Variants in DLGAP2 observed in about 807,000 individuals in gnomAD.
DLGAP2 encodes DLG associated protein 2.
A neutral mutation model predicts 100.3 loss-of-function variants in DLGAP2; 26 were observed. The observed-to-expected ratio is 0.26, with a 90% CI of 0.19 to 0.36. The LOEUF is 0.36. Among genes scored for constraint, DLGAP2 ranks in the 10% least tolerant of loss-of-function variants. DLGAP2 has a pLI of 1.00. For synonymous variants in DLGAP2, 886 were observed against 630.1 expected (o/e 1.41, Z -6.08); for missense variants, 1,858 against 1,453.2 (o/e 1.28, Z -4.53).
At chr8:916,622 G>T (rs1005383828) in intron 2 of DLGAP2, among the ~76,000 whole-genome samples, 1 of 152,018 alleles carries the variant, frequency 6.6e-6, no homozygotes, top group African/African-American at 2.4e-5. Context: ...AAACCTGCAC[G>T]TTGTGCACAT....
chr8:1,146,067 A>T (rs1476423168), intron 2 of DLGAP2, among the ~76,000 whole-genome samples: 1 of 151,970 alleles, frequency 6.6e-6, no homozygotes, highest in East Asian at 1.9e-4. Flanking sequence ...CCTCTAACAC[A>T]TCCCAGCAGA....
chr8:1,005,870 C>G lies in DLGAP2; in HGVS notation c.73+97904C>G, dbSNP rs147546902. Among the ~76,000 whole-genome samples the G allele has an allele frequency of 5.4e-3, 816 of 152,228 alleles. 4 individuals carry two copies. Among genetic ancestry groups the G allele is most frequent in the South Asian group, 6.0e-3 (29 of 4,822 alleles). ...GGAATGTGCTCCAGATGTCCCATGA[C>G]TGGCAGAACCAGAACTTACGTAACG... is the stretch of plus-strand genomic sequence containing the variant. On this transcript the variant is annotated intron_variant, in intron 2 of 14. Coordinates refer to ENST00000637795, the MANE Select transcript of DLGAP2 (RefSeq NM_001346810.2).
intron 2 of DLGAP2, among the ~76,000 whole-genome samples, chr8:1,059,919 G>A (rs895068172): frequency 6.6e-6 from 1 of 152,176 alleles, no homozygotes; most frequent in Admixed American, 6.5e-5. Context: ...GGCATGGATC[G>A]GGGGTATTCA....
intron 2 of DLGAP2, among the ~76,000 whole-genome samples, chr8:1,241,286 A>G (rs1459379699): frequency 1.4e-3 from 141 of 104,386 alleles, no homozygotes; most frequent in African/African-American, 4.3e-3. Flanking sequence ...TCCGTGTCTC[A>G]TTCTCTCACA....
At position 1,522,513 on chromosome 8, in the gene DLGAP2, G is replaced by A. The variant is rs558417077; in HGVS notation, c.172+21082G>A. On this transcript the variant is annotated intron_variant, in intron 4 of 14. Transcript: ENST00000637795. ...CGGGTGCTGGGTCATCACCATGCCC[G>A]GGAAGCTGGGCCCCCGGCCATCAGC... Among the ~76,000 whole-genome samples the A allele has an allele frequency of 5.3e-5, 8 of 152,312 alleles. 1 individual carries two copies. The highest frequency in any genetic ancestry group is 2.1e-4 in the South Asian group (1 of 4,818).
At chr8:1,690,493 TC>T (rs1187354332) in intron 12 of DLGAP2, among the ~76,000 whole-genome samples, 2 of 150,680 alleles carry the variant, frequency 1.3e-5, no homozygotes, top group African/African-American at 4.9e-5. Flanking sequence ...TCACCTGAGG[TC>T]GGGAGTTCGA....
intron 3 of DLGAP2, among the ~76,000 whole-genome samples, chr8:1,486,166 G>T (rs1799231110): frequency 6.6e-6 from 1 of 152,150 alleles, no homozygotes; most frequent in Non-Finnish European, 1.5e-5. Context: ...GGCACAAACA[G>T]CATGATGACC....
chr8:1,407,099 T>C (rs368953394), intron 3 of DLGAP2, among the ~76,000 whole-genome samples: 12 of 25,922 alleles, frequency 4.6e-4, no homozygotes, highest in Non-Finnish European at 5.2e-4. Flanking sequence ...GCTCCCTCCT[T>C]GTCCTCCGGA....
At chr8:823,192 A>C (rs1019524422) in intron 1 of DLGAP2, among the ~76,000 whole-genome samples, 2 of 151,998 alleles carry the variant, frequency 1.3e-5, no homozygotes, top group African/African-American at 4.8e-5. Flanking sequence ...GCCTCAGAAG[A>C]TGGTGTTGAC....
In DLGAP2 at chr8:1,701,269, C is replaced by G. The variant is rs1210203895; in HGVS notation, c.3031C>G (p.Leu1011Val). ...CATCACAAGAGAAAAATCCCTGGAC[C>G]TGCCCGACAGACAACGCCAGGAAGC... ...FPITREKSLDLPDRQRQEARR... is the reference protein window; with the variant it reads ...FPITREKSLDVPDRQRQEARR... Residue 1011 changes from leucine to valine, a missense_variant, in exon 15 of 15, where the codon CTG (leucine) becomes GTG (valine). By Grantham distance (32) the Leu-to-Val change is conservative. Transcript: ENST00000637795. 1 of 1,582,844 alleles carries G rather than the reference C, an allele frequency of 6.3e-7. No homozygotes were observed. The highest frequency in any genetic ancestry group is 8.6e-7 in the Non-Finnish European group (1 of 1,165,358).
intron 3 of DLGAP2, among the ~76,000 whole-genome samples, chr8:1,436,916 T>C (rs1797649116): frequency 6.6e-6 from 1 of 152,270 alleles, no homozygotes; most frequent in Admixed American, 6.5e-5. Context: ...ACCCCTGTGT[T>C]ACAGTTTTCT....
chr8:882,817 G>A (rs1033999500), intron 1 of DLGAP2, among the ~76,000 whole-genome samples: 1 of 152,186 alleles, frequency 6.6e-6, no homozygotes, highest in Non-Finnish European at 1.5e-5. Context: ...TCTCTCCCTG[G>A]CGTCAGCAGC....
intron 6 of DLGAP2, among the ~76,000 whole-genome samples, chr8:1,598,829 T>G (rs528207786): frequency 6.6e-6 from 1 of 152,290 alleles, no homozygotes; most frequent in East Asian, 1.9e-4. Context: ...CTAGATTCAT[T>G]GATTTTTTTT....
chr8:1,311,750 C>T (rs1800619245), intron 3 of DLGAP2, among the ~76,000 whole-genome samples: 2 of 151,970 alleles, frequency 1.3e-5, no homozygotes, highest in Admixed American at 6.6e-5. Flanking sequence ...GAAAATTTCT[C>T]AGTATGATAA....
chr8:1,345,712 A>G (rs1801539079), intron 3 of DLGAP2, among the ~76,000 whole-genome samples: 1 of 152,240 alleles, frequency 6.6e-6, no homozygotes, highest in Non-Finnish European at 1.5e-5. Flanking sequence ...TGAAGGGCTC[A>G]TGCTTTGGAA....
chr8:915,478 C>A (rs192707778), intron 2 of DLGAP2, among the ~76,000 whole-genome samples: 2 of 151,780 alleles, frequency 1.3e-5, no homozygotes, highest in South Asian at 4.2e-4. Flanking sequence ...GCCCAGGAGG[C>A]GGAGCTTGCA....
chr8:1,701,300 G>A lies in DLGAP2; in HGVS notation c.3062G>A (p.Arg1021Lys), dbSNP rs948920238. 1.9e-6 allele frequency: 3 copies of A among 1,585,134 alleles called. No homozygotes were observed. The Admixed American group carries it at 5.4e-5, about 29-fold the overall frequency. The change falls in exon 15 of 15, where the codon AGG becomes AAG. Residue 1021 changes from arginine (R) to lysine (K), a missense_variant. Coordinates refer to ENST00000637795, the MANE Select transcript of DLGAP2 (RefSeq NM_001346810.2). ...GACAGACAACGCCAGGAAGCCCGGA[G>A]GCGCCTCATGGCCGCCAAGCGAGCG... ...LPDRQRQEAR[R>K]RLMAAKRAAS...
At position 850,018 on chromosome 8, in the gene DLGAP2, T is replaced by C. The variant is rs561202378; in HGVS notation, c.19-57894T>C. Among the ~76,000 whole-genome samples the C allele has an allele frequency of 7.9e-4, 118 of 150,114 alleles. 2 individuals carry two copies. Among genetic ancestry groups the C allele is most frequent in the Admixed American group, 4.0e-3 (60 of 15,062 alleles). Reference sequence around the variant, plus strand: ...GGCAGAGGTTGCAGTGAGCTGAGATTGTGCCACGCACTCCAGCCTGGGCAA... The same window carrying C: ...GGCAGAGGTTGCAGTGAGCTGAGATCGTGCCACGCACTCCAGCCTGGGCAA... On this transcript the variant is annotated intron_variant, in intron 1 of 14. Transcript: ENST00000637795.
chr8:1,003,829 G>A (rs1405449849), intron 2 of DLGAP2, among the ~76,000 whole-genome samples: 1 of 152,154 alleles, frequency 6.6e-6, no homozygotes, highest in Non-Finnish European at 1.5e-5. Context: ...GGGAACCATT[G>A]AGTTAATGAT....
Sources: gnomAD v4.1 joint callset for allele counts (sites outside exome capture counted in the v4.1 genomes callset) on GRCh38, gnomAD v4.1.1 for gene constraint, MANE v1.5 for transcripts, NCBI Gene and HGNC (gene_info 2026-07-23, HGNC 2026-07-21) for gene names.